PSTPIP2: variants seen among roughly 807,000 people sequenced by gnomAD.
The protein encoded by PSTPIP2 is proline-serine-threonine phosphatase interacting protein 2.
A neutral mutation model predicts 63.3 loss-of-function variants in PSTPIP2; 33 were observed. The observed-to-expected ratio is 0.52, with a 90% CI of 0.40 to 0.70. The LOEUF (loss-of-function observed/expected upper bound fraction) is 0.70, where lower values mean the gene tolerates loss of function less well. Ranked by LOEUF, PSTPIP2 falls within the 30% of genes least tolerant of loss-of-function variation. The pLI, the probability that PSTPIP2 is intolerant of heterozygous loss-of-function variation, is 0.00. For synonymous variants in PSTPIP2, 125 were observed against 132.7 expected, an observed-to-expected ratio of 0.94 and a Z score of 0.40; for missense variants, 312 against 400.7, an observed-to-expected ratio of 0.78 and a Z score of 1.89.
At chr18:46,028,098 T>C (rs187654536) in intron 2 of PSTPIP2, among the ~76,000 whole-genome samples, 55 of 152,088 alleles carry the variant, frequency 3.6e-4, no homozygotes, top group African/African-American at 1.3e-3. Context: ...GAGGCGGAGG[T>C]TGCAGTGAGC....
intron 3 of PSTPIP2, among the ~76,000 whole-genome samples, chr18:46,019,028 G>C (rs545992559): frequency 1.6e-4 from 24 of 151,286 alleles, no homozygotes; most frequent in Non-Finnish European, 3.2e-4. Flanking sequence ...ACTCCCCTTT[G>C]CCCATTATTT....
At chr18:46,042,659 G>A (rs747710391) in intron 1 of PSTPIP2, among the ~76,000 whole-genome samples, 7 of 152,144 alleles carry the variant, frequency 4.6e-5, no homozygotes, top group Non-Finnish European at 8.8e-5. Context: ...AGAGAACAAT[G>A]AAAACAGATT....
At chr18:46,030,804 A>G (rs1235947451) in intron 2 of PSTPIP2, among the ~76,000 whole-genome samples, 1 of 152,216 alleles carries the variant, frequency 6.6e-6, no homozygotes, top group Non-Finnish European at 1.5e-5. Context: ...GGTATAACGA[A>G]TGTTCTTAAA....
chr18:46,009,214 T>A (rs945726727), intron 5 of PSTPIP2, among the ~76,000 whole-genome samples: 1 of 152,078 alleles, frequency 6.6e-6, no homozygotes, highest in Admixed American at 6.5e-5. Context: ...GCACCTCTTG[T>A]GCCCTCATTT....
intron 3 of PSTPIP2, among the ~76,000 whole-genome samples, chr18:46,017,989 G>A (rs2144089484): frequency 6.6e-6 from 1 of 151,912 alleles, no homozygotes; most frequent in East Asian, 1.9e-4. Flanking sequence ...GTTACTTAAT[G>A]CATCTCATCT....
At chr18:45,988,829 G>A (rs2144055758) in intron 13 of PSTPIP2, 70 bp from the exon 14 acceptor site, 2 of 1,292,388 alleles carry the variant, frequency 1.5e-6, no homozygotes, top group East Asian at 4.6e-5. Context: ...CCCTTTTCAA[G>A]CCAGGGCATT....
intron 2 of PSTPIP2, among the ~76,000 whole-genome samples, chr18:46,035,619 A>G (rs1248600809): frequency 2.6e-5 from 4 of 152,082 alleles, no homozygotes; most frequent in Non-Finnish European, 5.9e-5. Context: ...TGAAATAGAG[A>G]GAATGGGTAT....
chr18:46,031,758 A>C (rs956078286), intron 2 of PSTPIP2, among the ~76,000 whole-genome samples: 2 of 152,194 alleles, frequency 1.3e-5, no homozygotes, highest in Admixed American at 1.3e-4. Context: ...ATAAGAAGTC[A>C]CTCACTCAGT....
chr18:45,988,416 C>T (rs2051488793), intron 14 of PSTPIP2, among the ~76,000 whole-genome samples: 1 of 138,528 alleles, frequency 7.2e-6, no homozygotes, highest in Admixed American at 7.2e-5. Context: ...GCCTGGGTGA[C>T]ACAGCGAGAC....
chr18:46,005,956 A>G (rs1222230338), intron 5 of PSTPIP2, among the ~76,000 whole-genome samples: 1 of 152,248 alleles, frequency 6.6e-6, no homozygotes, highest in Non-Finnish European at 1.5e-5. Flanking sequence ...TCTGCAGCCC[A>G]TCAGTGACAC....
chr18:46,044,594 A>C (rs978087616), intron 1 of PSTPIP2, among the ~76,000 whole-genome samples: 1 of 152,202 alleles, frequency 6.6e-6, no homozygotes, highest in Non-Finnish European at 1.5e-5. Context: ...GGACATAGGC[A>C]TGGGCAAGGA....
chr18:45,997,528 T>C (rs948342647), intron 9 of PSTPIP2, among the ~76,000 whole-genome samples: 1 of 151,888 alleles, frequency 6.6e-6, no homozygotes. Context: ...TCTGTAACCC[T>C]ATGAGAATCC....
intron 10 of PSTPIP2, among the ~76,000 whole-genome samples, chr18:45,992,791 C>T (rs1041254375): frequency 6.6e-6 from 1 of 152,008 alleles, no homozygotes; most frequent in African/African-American, 2.4e-5. Context: ...GGTGCAATCT[C>T]AGCTCACTGC....
rs111318389 is a variant in PSTPIP2, at chr18:46,056,849, T to C, written c.33+15307A>G. On this transcript the variant is annotated intron_variant, in intron 1 of 14. Transcript: ENST00000409746. ...AGATGCGGTGGCTCACACCTGTAAT[T>C]CCAGCACTTTGGGAGGCCAAGGTGG... is the stretch of plus-strand genomic sequence containing the variant. 6.0e-3 allele frequency among the ~76,000 whole-genome samples: 905 copies of C among 152,016 alleles called. 17 individuals are homozygous for C. The highest frequency in any genetic ancestry group is 0.034 in the Admixed American group (523 of 15,272).
intron 2 of PSTPIP2, among the ~76,000 whole-genome samples, chr18:46,032,566 T>C (rs961755942): frequency 6.6e-6 from 1 of 151,790 alleles, no homozygotes; most frequent in Non-Finnish European, 1.5e-5. Flanking sequence ...CTACCCTGGC[T>C]AAAATGGTGA....
intron 3 of PSTPIP2, among the ~76,000 whole-genome samples, chr18:46,022,932 G>A (rs1333616557): frequency 6.6e-6 from 1 of 152,148 alleles, no homozygotes; most frequent in African/African-American, 2.4e-5. Context: ...ACACTACGAA[G>A]CCATAAAAAA....
chr18:46,026,473 A>G (rs1265765790), intron 2 of PSTPIP2, among the ~76,000 whole-genome samples: 2 of 152,242 alleles, frequency 1.3e-5, no homozygotes, highest in Non-Finnish European at 2.9e-5. Context: ...TTATTCTTAC[A>G]TATGTTACAA....
Position 45,999,628 on chromosome 18 carries a change from G to A in PSTPIP2, c.418-94C>T. The A allele has an allele frequency of 3.1e-6, 4 of 1,271,472 alleles. 1 individual carries two copies. Among genetic ancestry groups the A allele is most frequent in the South Asian group, 2.5e-5 (2 of 80,272 alleles). The allele number at this position is 1,271,472 out of a possible 1,614,324, so 78.8% of individuals were successfully genotyped here. On this transcript the variant is annotated intron_variant, in intron 6 of 14. Coordinates refer to ENST00000409746, the MANE Select transcript of PSTPIP2 (RefSeq NM_024430.4). ...GGCCCAGGAAGTCCAGCATGGACAG[G>A]GCCGTCTGATTAGTGCTCTGATTGT...
At chr18:45,994,763 C>T (rs1041351292) in intron 9 of PSTPIP2, among the ~76,000 whole-genome samples, 2 of 152,046 alleles carry the variant, frequency 1.3e-5, no homozygotes, top group Admixed American at 6.6e-5. Flanking sequence ...ACCCTACTCT[C>T]TGGAGTATTT....
Sources: allele counts gnomAD v4.1 joint callset (sites outside exome capture counted in the v4.1 genomes callset), GRCh38; gene constraint gnomAD v4.1.1; transcripts MANE v1.5; gene names NCBI Gene and HGNC (gene_info 2026-07-23, HGNC 2026-07-21).